Variants in CSMD1 observed in about 807,000 individuals in gnomAD.
The protein encoded by CSMD1 is CUB and Sushi multiple domains 1.
CSMD1 carries 213 observed loss-of-function variants against 417.5 expected under a neutral mutation model. The observed-to-expected ratio is 0.51, with a 90% confidence interval of 0.46 to 0.57. CSMD1 has a LOEUF of 0.57. Ranked by LOEUF, CSMD1 falls within the 20% of genes least tolerant of loss-of-function variation. The pLI is 0.00. For missense variants in CSMD1, 6,923 were observed against 4,529.7 expected (o/e 1.53, Z -15.17); for synonymous variants, 2,862 against 1,736.8 (o/e 1.65, Z -16.11).
At chr8:4,427,448 T>A (rs1797627228) in intron 2 of CSMD1, among the ~76,000 whole-genome samples, 1 of 151,682 alleles carries the variant, frequency 6.6e-6, no homozygotes, top group Admixed American at 6.6e-5. Flanking sequence ...CCGGGGAAGA[T>A]GCAATCAAGC....
intron 3 of CSMD1, among the ~76,000 whole-genome samples, chr8:4,125,437 C>T (rs993541135): frequency 6.6e-6 from 1 of 152,196 alleles, no homozygotes; most frequent in African/African-American, 2.4e-5. Context: ...TCATCTGTTG[C>T]TTGATGTCCC....
chr8:4,432,393 C>T (rs1175029556), intron 2 of CSMD1, among the ~76,000 whole-genome samples: 1 of 152,072 alleles, frequency 6.6e-6, no homozygotes, highest in Non-Finnish European at 1.5e-5. Context: ...TACACTAAGG[C>T]AGGTTTCATG....
chr8:2,990,903 G>A (rs936713185), intron 54 of CSMD1, among the ~76,000 whole-genome samples: 1 of 152,178 alleles, frequency 6.6e-6, no homozygotes, highest in Non-Finnish European at 1.5e-5. Flanking sequence ...CATCATCCCA[G>A]GGAAGCGCAG....
chr8:3,193,685 T>C (rs1796548352), intron 33 of CSMD1, among the ~76,000 whole-genome samples: 1 of 152,188 alleles, frequency 6.6e-6, no homozygotes, highest in South Asian at 2.1e-4. Flanking sequence ...CAGCCTGGAA[T>C]AGAGGGTGAT....
intron 3 of CSMD1, among the ~76,000 whole-genome samples, chr8:4,141,136 G>C (rs575617318): frequency 6.6e-6 from 1 of 151,176 alleles, no homozygotes; most frequent in South Asian, 2.1e-4. Context: ...TCCTCCAAGA[G>C]AGCTCCAATA....
At chr8:4,420,184 A>G (rs576521122) in intron 2 of CSMD1, 119 bp from the exon 3 acceptor site, 99 of 613,150 alleles carry the variant, frequency 1.6e-4, no homozygotes, top group African/African-American at 1.6e-3. Flanking sequence ...ATATGGCATT[A>G]AACACTTAGA....
At chr8:4,256,764 G>C (rs536734262) in intron 3 of CSMD1, among the ~76,000 whole-genome samples, 1 of 152,162 alleles carries the variant, frequency 6.6e-6, no homozygotes, top group Admixed American at 6.5e-5. Context: ...GCAGTGCCCT[G>C]CTCTCAAGCA....
chr8:4,172,084 G>T (rs371065139), intron 3 of CSMD1, among the ~76,000 whole-genome samples: 2 of 152,110 alleles, frequency 1.3e-5, no homozygotes, highest in Admixed American at 6.5e-5. Context: ...AGGGGAAGGC[G>T]TATCACGGAG....
chr8:4,469,322 C>T (rs139459301), intron 2 of CSMD1, among the ~76,000 whole-genome samples: 26 of 152,256 alleles, frequency 1.7e-4, no homozygotes, highest in African/African-American at 6.0e-4. Flanking sequence ...CAATTATTTT[C>T]GGCTTTCTGA....
At chr8:4,447,068 A>G (rs937787144) in intron 2 of CSMD1, among the ~76,000 whole-genome samples, 16 of 152,146 alleles carry the variant, frequency 1.1e-4, no homozygotes, top group African/African-American at 3.9e-4. Flanking sequence ...CTGCGAGCCT[A>G]GCCTCAGTTA....
chr8:4,783,661 G>T (rs1471228719), intron 1 of CSMD1, among the ~76,000 whole-genome samples: 3 of 152,150 alleles, frequency 2.0e-5, no homozygotes, highest in Non-Finnish European at 4.4e-5. Flanking sequence ...GTCATGAACA[G>T]GCTGAAGCCA....
chr8:3,667,455 G>T (rs542031196), intron 7 of CSMD1, among the ~76,000 whole-genome samples: 6 of 152,024 alleles, frequency 3.9e-5, no homozygotes, highest in Non-Finnish European at 8.8e-5. Context: ...GCAAGGCCTT[G>T]GGGCACTACA....
chr8:3,606,161 C>T lies in CSMD1; in HGVS notation c.1097+10549G>A, dbSNP rs751435046. ...GAGCCCCTCGTTCTGCAGAGAGAAG[C>T]CAACCGTGTGGGTGGGGGAGGACAG... On this transcript the variant is annotated intron_variant, in intron 8 of 69. Transcript: ENST00000635120. Among the ~76,000 whole-genome samples the T allele has an allele frequency of 2.0e-5, 3 of 152,144 alleles. No homozygotes were observed. In the East Asian group the frequency reaches 5.8e-4, roughly 29 times the overall value.
At chr8:3,569,754 A>T (rs1239964500) in intron 10 of CSMD1, among the ~76,000 whole-genome samples, 1 of 152,218 alleles carries the variant, frequency 6.6e-6, no homozygotes, top group Non-Finnish European at 1.5e-5. Context: ...ATTATACTTA[A>T]TGGCAATGGC....
intron 54 of CSMD1, among the ~76,000 whole-genome samples, chr8:2,990,006 G>A (rs1281000810): frequency 6.6e-6 from 1 of 152,174 alleles, no homozygotes; most frequent in Non-Finnish European, 1.5e-5. Flanking sequence ...AGGCTCTAGG[G>A]GGATGGATAC....
chr8:3,424,841 T>A (rs992282086), intron 12 of CSMD1, among the ~76,000 whole-genome samples: 10 of 152,306 alleles, frequency 6.6e-5, no homozygotes, highest in South Asian at 2.1e-4. Context: ...TCTATTTTTT[T>A]AAATATTATT....
intron 3 of CSMD1, among the ~76,000 whole-genome samples, chr8:4,079,341 A>T (rs1262389222): frequency 6.6e-6 from 1 of 152,192 alleles, no homozygotes; most frequent in Non-Finnish European, 1.5e-5. Flanking sequence ...CTTGGAACGA[A>T]ATATACTTTC....
chr8:4,921,209 T>A (rs1043030672), intron 1 of CSMD1, among the ~76,000 whole-genome samples: 1 of 152,110 alleles, frequency 6.6e-6, no homozygotes. Flanking sequence ...ACTTGTTAGC[T>A]CCCTCTCACG....
chr8:4,059,987 C>A (rs1032644843), intron 3 of CSMD1, among the ~76,000 whole-genome samples: 5 of 151,970 alleles, frequency 3.3e-5, no homozygotes, highest in African/African-American at 7.3e-5. Context: ...AGAGACACAG[C>A]CAAAAAAGAG....
Sources: allele counts gnomAD v4.1 joint callset (sites outside exome capture counted in the v4.1 genomes callset), GRCh38; gene constraint gnomAD v4.1.1; transcripts MANE v1.5; gene names NCBI Gene and HGNC (gene_info 2026-07-23, HGNC 2026-07-21).